The following VWF variants were observed in gnomAD, a reference collection of about 807,000 sequenced individuals.
The protein encoded by VWF is Factor VIII related antigen.
A neutral mutation model predicts 308.6 loss-of-function variants in VWF; 176 were observed. The ratio of observed to expected loss-of-function variants is 0.57; its 90% CI spans 0.50 to 0.65. The LOEUF is 0.65. Among genes scored for constraint, VWF ranks in the 30% least tolerant of loss-of-function variants. The probability of loss-of-function intolerance (pLI) is 0.00; values close to 1 mark genes in which losing one functional copy is unlikely to be tolerated. For synonymous variants in VWF, 1,385 were observed against 1,443.4 expected (o/e 0.96, Z 0.92); for missense variants, 3,146 against 3,648.2 (o/e 0.86, Z 3.55).
At position 6,026,059 on chromosome 12, in the gene VWF, G is replaced by A. The variant is rs1266804927; in HGVS notation, c.2968-13C>T. The A allele has an allele frequency of 6.2e-7, 1 of 1,613,972 alleles. No individual in the cohort carries two copies. Among genetic ancestry groups the A allele is most frequent in the Non-Finnish European group, 8.5e-7 (1 of 1,179,868 alleles). On this transcript the variant is annotated splice_polypyrimidine_tract_variant and intron_variant, in intron 22 of 51. Transcript: ENST00000261405. ...CACACACTTTCTCCTTGAGAGACAAGTTGAGGGATGAGCACCGTCAAGCCC... is the reference window on the plus strand; with the variant it reads ...CACACACTTTCTCCTTGAGAGACAAATTGAGGGATGAGCACCGTCAAGCCC...
Position 6,068,074 on chromosome 12 carries a change from G to A in VWF, c.1157-2801C>T, listed in dbSNP as rs1591897777. Among the ~76,000 whole-genome samples the A allele has an allele frequency of 3.3e-5, 5 of 150,170 alleles. No homozygotes were observed. In the South Asian group the frequency reaches 1.1e-3, roughly 32 times the overall value. ...TGCTTGAACCCAGGAGGCAGAGGTT[G>A]CAGTGAGCTGAGATCACGCCACTGC... On this transcript the variant is annotated intron_variant, in intron 10 of 51. Coordinates refer to ENST00000261405, the MANE Select transcript of VWF (RefSeq NM_000552.5).
intron 45 of VWF, 155 bp from the exon 46 acceptor site, chr12:5,968,322 G>C: frequency 2.4e-6 from 2 of 825,754 alleles, no homozygotes; most frequent in Non-Finnish European, 1.9e-6. Flanking sequence ...AGCGCTGGGG[G>C]TCCTACTGCT....
chr12:5,981,635 T>C (rs912082634), intron 42 of VWF, 151 bp downstream of exon 42: 3 of 936,956 alleles, frequency 3.2e-6, no homozygotes, highest in African/African-American at 3.2e-5. Flanking sequence ...CTGGGTAGGA[T>C]GCAAATCTTC....
intron 6 of VWF, among the ~76,000 whole-genome samples, chr12:6,087,654 G>A (rs565737968): frequency 7.9e-5 from 12 of 151,810 alleles, no homozygotes; most frequent in Admixed American, 2.0e-4. Flanking sequence ...CTGAGCCCCC[G>A]CGCCTGGCCA....
chr12:6,099,977 T>A (rs1384818047), intron 5 of VWF, among the ~76,000 whole-genome samples: 2 of 149,944 alleles, frequency 1.3e-5, no homozygotes, highest in African/African-American at 4.9e-5. Context: ...GGGAGAAAAT[T>A]TTCACAACCT....
At chr12:6,055,552 T>A (rs567478474) in intron 15 of VWF, among the ~76,000 whole-genome samples, 140 of 152,204 alleles carry the variant, frequency 9.2e-4, no homozygotes, top group Non-Finnish European at 1.5e-3. Context: ...TATGTGCTCG[T>A]CCCTTTCGTC....
intron 42 of VWF, among the ~76,000 whole-genome samples, chr12:5,979,727 C>T (rs1281278735): frequency 6.9e-6 from 1 of 144,202 alleles, no homozygotes; most frequent in African/African-American, 2.6e-5. Context: ...TCCAACCTGG[C>T]CACAGAGCGA....
In VWF at chr12:6,047,222, C is replaced by T. The variant is rs114213376; in HGVS notation, c.2187-405G>A. Among the ~76,000 whole-genome samples the T allele has an allele frequency of 4.4e-3, 677 of 152,270 alleles. 3 individuals carry two copies. The highest frequency in any genetic ancestry group is 0.015 in the African/African-American group (636 of 41,530). ...TCGCTCCTCTTCTCACACTCTGCTG[C>T]CATCCCCAGTTCCAATCACAGACAT... On this transcript the variant is annotated intron_variant, in intron 16 of 51. Transcript: ENST00000261405.
chr12:6,111,059 T>G, intron 3 of VWF, 91 bp from the exon 4 acceptor site: 6 of 1,268,922 alleles, frequency 4.7e-6, no homozygotes, highest in Non-Finnish European at 6.8e-6. Context: ...TAACCTTTTC[T>G]CAGCAGAAAA....
Position 6,101,645 on chromosome 12 carries a change from G to A in VWF, c.533-6061C>T, listed in dbSNP as rs541508574. Among the ~76,000 whole-genome samples, 13 of 151,890 alleles carry A rather than the reference G, an allele frequency of 8.6e-5. No homozygotes were observed. The South Asian group carries it at 1.9e-3, about 22-fold the overall frequency. On this transcript the variant is annotated intron_variant, in intron 5 of 51. Coordinates refer to ENST00000261405, the MANE Select transcript of VWF (RefSeq NM_000552.5). ...CAAAAAATTAGCCAGGCATGGTGGC[G>A]GGCGCCTGTAGTCCCAGTTATTCAG... is the stretch of plus-strand genomic sequence containing the variant.
At chr12:6,120,826 A>C (rs188340788) in intron 3 of VWF, among the ~76,000 whole-genome samples, 179 of 152,194 alleles carry the variant, frequency 1.2e-3, no homozygotes, top group Middle Eastern at 3.4e-3. Flanking sequence ...AACAACAACG[A>C]GTCTTCTCTC....
chr12:5,959,067 C>T (rs1455828376), intron 47 of VWF, among the ~76,000 whole-genome samples: 1 of 151,884 alleles, frequency 6.6e-6, no homozygotes, highest in Non-Finnish European at 1.5e-5. Context: ...ATTAGTTGGA[C>T]ATGGTGGCAC....
intron 15 of VWF, among the ~76,000 whole-genome samples, chr12:6,055,919 T>C (rs1401099129): frequency 6.6e-6 from 1 of 151,750 alleles, no homozygotes; most frequent in African/African-American, 2.4e-5. Flanking sequence ...GGACTACACC[T>C]ACATTTTAAT....
intron 16 of VWF, among the ~76,000 whole-genome samples, chr12:6,051,648 C>T (rs1330644742): frequency 3.3e-5 from 5 of 152,138 alleles, no homozygotes; most frequent in Non-Finnish European, 5.9e-5. Context: ...TTCCCTCTGT[C>T]GCCCGGGCTA....
chr12:6,049,174 C>A (rs573177440), intron 16 of VWF, among the ~76,000 whole-genome samples: 1 of 152,300 alleles, frequency 6.6e-6, no homozygotes, highest in African/African-American at 2.4e-5. Flanking sequence ...GGCTCATTCT[C>A]CAGTGTGTTG....
At chr12:5,980,467 A>G (rs1943592843) in intron 42 of VWF, among the ~76,000 whole-genome samples, 1 of 152,220 alleles carries the variant, frequency 6.6e-6, no homozygotes, top group African/African-American at 2.4e-5. Context: ...TCCAGAATTC[A>G]TGACATTCTA....
rs759715664 is a variant in VWF, at chr12:5,967,521, C to G, written c.7852G>C (p.Glu2618Gln). The change falls in exon 47 of 52, where the codon GAG (glutamate) becomes CAG (glutamine). Residue 2618 changes from glutamate to glutamine, a missense_variant. Physicochemically the swap from Glu to Gln is conservative, Grantham distance 29. This residue lies in a region of VWF where 989 missense variants were observed against 1,117.4 expected (regional missense o/e 0.89). Coordinates refer to ENST00000261405, the MANE Select transcript of VWF (RefSeq NM_000552.5). ...QVGVISGFKL[E>Q]CRKTTCNPCP... ...GGGTTGCAGGTGGTCTTCCTGCACT[C>G]CAGCTTGAATCCAGAGATGACCCCC... 1 of 1,614,172 alleles carries G rather than the reference C, an allele frequency of 6.2e-7. No homozygotes were observed. The highest frequency in any genetic ancestry group is 8.5e-7 in the Non-Finnish European group (1 of 1,180,046).
chr12:5,980,208 TAGGTAGGG>T (rs1258538354), intron 42 of VWF, among the ~76,000 whole-genome samples: 4,734 of 20,640 alleles, frequency 0.23, 715 homozygotes, highest in East Asian at 0.57. Flanking sequence ...GTGACGTAGG[TAGGTAGGG>T]AGGGAGGGAG....
chr12:5,978,318 A>C (rs1257568171), intron 42 of VWF, among the ~76,000 whole-genome samples: 1 of 152,124 alleles, frequency 6.6e-6, no homozygotes, highest in African/African-American at 2.4e-5. Context: ...GCCAGAGTGC[A>C]ATGGCACAAT....
Sources: gnomAD v4.1 joint callset for allele counts (sites outside exome capture counted in the v4.1 genomes callset) on GRCh38, gnomAD v4.1.1 for gene constraint, gnomAD v4.1.1 regional missense constraint, MANE v1.5 for transcripts, NCBI Gene and HGNC (gene_info 2026-07-23, HGNC 2026-07-21) for gene names.